Variants in DAPK2 observed in about 807,000 individuals in gnomAD.
DAPK2 encodes the protein death-associated protein kinase 2.
DAPK2 carries 35 observed loss-of-function variants against 44.1 expected under a neutral mutation model. The ratio of observed to expected loss-of-function variants is 0.79; its 90% confidence interval spans 0.61 to 1.05. DAPK2 has a LOEUF of 1.05. DAPK2 is among the 50% of genes least tolerant of loss of function. DAPK2 has a pLI of 0.00. For synonymous variants in DAPK2, 174 were observed against 182.6 expected (o/e 0.95, Z 0.38); for missense variants, 453 against 483.2 (o/e 0.94, Z 0.59).
intron 1 of DAPK2, among the ~76,000 whole-genome samples, chr15:64,037,289 T>C (rs1390855288): frequency 6.6e-6 from 1 of 152,144 alleles, no homozygotes; most frequent in African/African-American, 2.4e-5. Context: ...CCCAGGCACT[T>C]CCCCACTTCA....
chr15:64,019,395 C>T (rs73456765), intron 1 of DAPK2, among the ~76,000 whole-genome samples: 1 of 152,214 alleles, frequency 6.6e-6, no homozygotes, highest in Non-Finnish European at 1.5e-5. Context: ...GCTTCTCTTA[C>T]ATGGACTTTT....
At chr15:64,018,298 G>A (rs1363902138) in intron 1 of DAPK2, among the ~76,000 whole-genome samples, 1 of 152,206 alleles carries the variant, frequency 6.6e-6, no homozygotes, top group Non-Finnish European at 1.5e-5. Flanking sequence ...AGTCCCAAGG[G>A]CTGTGAGGAC....
chr15:64,014,532 G>A (rs1385471019), intron 1 of DAPK2, among the ~76,000 whole-genome samples: 2 of 152,220 alleles, frequency 1.3e-5, no homozygotes, highest in African/African-American at 2.4e-5. Flanking sequence ...GCACTGACAG[G>A]TGTTTACCAA....
Position 63,997,672 on chromosome 15 carries a change from T to C in DAPK2, c.93-13918A>G, listed in dbSNP as rs8027846. Among the ~76,000 whole-genome samples, 935 of 152,256 alleles carry C rather than the reference T, an allele frequency of 6.1e-3. 13 individuals are homozygous for C. The highest frequency in any genetic ancestry group is 0.021 in the African/African-American group (886 of 41,542). On this transcript the variant is annotated intron_variant, in intron 1 of 10. Coordinates refer to ENST00000261891, the Ensembl canonical transcript of DAPK2. ...ATGGACCCTAGCCTCTAAAATGGTC[T>C]CTTTCCTCTAGAAAACCCACCCATC...
At chr15:63,982,661 G>A (rs896172631) in intron 2 of DAPK2, among the ~76,000 whole-genome samples, 8 of 152,148 alleles carry the variant, frequency 5.3e-5, no homozygotes, top group African/African-American at 1.9e-4. Context: ...ATCATGAACT[G>A]TGAGGTCTTC....
chr15:64,004,902 C>A (rs2079186066), intron 1 of DAPK2, among the ~76,000 whole-genome samples: 2 of 152,214 alleles, frequency 1.3e-5, no homozygotes, highest in African/African-American at 4.8e-5. Context: ...GATGACTTAT[C>A]TTTCCTTTGA....
chr15:63,961,320 T>C (rs2077893964), intron 3 of DAPK2, among the ~76,000 whole-genome samples: 2 of 152,342 alleles, frequency 1.3e-5, no homozygotes, highest in East Asian at 1.9e-4. Flanking sequence ...TGTCTTTTAA[T>C]TGGAGCATTT....
intron 1 of DAPK2, among the ~76,000 whole-genome samples, chr15:63,987,651 T>C (rs2078703011): frequency 1.3e-5 from 2 of 152,188 alleles, no homozygotes; most frequent in African/African-American, 4.8e-5. Flanking sequence ...CAGTTCATGT[T>C]TCTCCATCTG....
At chr15:64,006,036 CAA>C (rs35338084) in intron 1 of DAPK2, among the ~76,000 whole-genome samples, 33 of 92,840 alleles carry the variant, frequency 3.6e-4, no homozygotes, top group Admixed American at 8.2e-4. Context: ...GATCCTGACT[CAA>C]AAAAAAAAAA....
At position 63,923,450 on chromosome 15, in the gene DAPK2, G is replaced by A; in HGVS notation, c.858+1366C>T. ...ACACAAGCGGCCTCTGGCATTCACT[G>A]CATGCGTCAGGCCATGGGGAGAACC... On this transcript the variant is annotated intron_variant, in intron 8 of 10. Transcript: ENST00000261891. This position sits in a 1 kb window ranked among gnomAD's most constrained non-coding sequence, Gnocchi z 4.2. 1 of 1,464,836 alleles carries A rather than the reference G, an allele frequency of 6.8e-7. No homozygotes were observed. The highest frequency in any genetic ancestry group is 9.0e-7 in the Non-Finnish European group (1 of 1,111,760). The allele number at this position is 1,464,836 out of a possible 1,614,324, so 90.7% of individuals were successfully genotyped here.
intron 1 of DAPK2, among the ~76,000 whole-genome samples, chr15:64,005,144 A>G (rs2079190729): frequency 6.6e-6 from 1 of 152,000 alleles, no homozygotes; most frequent in Non-Finnish European, 1.5e-5. Context: ...GTTTGACAAG[A>G]CAAAGACATG....
chr15:63,912,056 A>G lies in DAPK2; in HGVS notation c.948+52T>C. ...TGCATGGAGACCCTGGAGAGCCAGAAACCCCGCCCTAGCCCCCACCCTGTC... is the reference window on the plus strand; with the variant it reads ...TGCATGGAGACCCTGGAGAGCCAGAGACCCCGCCCTAGCCCCCACCCTGTC... On this transcript the variant is annotated intron_variant, in intron 9 of 10. Coordinates refer to ENST00000261891, the Ensembl canonical transcript of DAPK2. This position sits in a 1 kb window ranked among gnomAD's most constrained non-coding sequence, Gnocchi z 4.4. 9 of 1,586,452 alleles carry G rather than the reference A, an allele frequency of 5.7e-6. No individual in the cohort carries two copies. Among genetic ancestry groups the G allele is most frequent in the African/African-American group, 1.3e-5 (1 of 74,492 alleles).
chr15:63,967,552 G>C (rs779626137), intron 3 of DAPK2, among the ~76,000 whole-genome samples: 1 of 151,970 alleles, frequency 6.6e-6, no homozygotes, highest in African/African-American at 2.4e-5. Flanking sequence ...TTAGCTGGGC[G>C]TGGTGGCAGG....
intron 1 of DAPK2, among the ~76,000 whole-genome samples, chr15:63,998,058 TCA>T (rs1181486530): frequency 6.6e-6 from 1 of 152,218 alleles, no homozygotes; most frequent in East Asian, 1.9e-4. Flanking sequence ...TACACTTATC[TCA>T]CAGTCAGTTA....
intron 1 of DAPK2, among the ~76,000 whole-genome samples, chr15:64,018,925 A>T (rs1403217284): frequency 6.6e-6 from 1 of 152,166 alleles, no homozygotes; most frequent in Non-Finnish European, 1.5e-5. Flanking sequence ...GCCTCTGAGG[A>T]TTTAGAGAAG....
At chr15:63,910,163 T>C (rs970604299) in intron 10 of DAPK2, among the ~76,000 whole-genome samples, 7 of 151,066 alleles carry the variant, frequency 4.6e-5, no homozygotes, top group African/African-American at 1.5e-4. Flanking sequence ...GTGCCCTGCA[T>C]AGGAGACGAG....
At chr15:63,929,110 G>A (rs1350918543) in intron 6 of DAPK2, among the ~76,000 whole-genome samples, 1 of 151,530 alleles carries the variant, frequency 6.6e-6, no homozygotes, top group African/African-American at 2.4e-5. Context: ...TGAGGCAGGA[G>A]AATTGCTTAA....
Position 63,990,498 on chromosome 15 carries a change from G to A in DAPK2, c.93-6744C>T, listed in dbSNP as rs2078790544. Among the ~76,000 whole-genome samples the A allele has an allele frequency of 6.6e-6, 1 of 152,098 alleles. No homozygotes were observed. The highest frequency in any genetic ancestry group is 2.4e-5 in the African/African-American group (1 of 41,422). On this transcript the variant is annotated intron_variant, in intron 1 of 10. Transcript: ENST00000261891. This position sits in a 1 kb window ranked among gnomAD's most constrained non-coding sequence, Gnocchi z 4.3. ...TCCCTCTCTTAGTCGACTCTAAAGT[G>A]TCCAAAGATTGAGTGATGTACCCCT... is the stretch of plus-strand genomic sequence containing the variant.
intron 3 of DAPK2, among the ~76,000 whole-genome samples, chr15:63,956,547 T>A (rs989223977): frequency 6.6e-6 from 1 of 152,132 alleles, no homozygotes; most frequent in Non-Finnish European, 1.5e-5. Flanking sequence ...TCAGTTTTTT[T>A]CCATTGTGGT....
Sources: allele counts gnomAD v4.1 joint callset (sites outside exome capture counted in the v4.1 genomes callset), GRCh38; gene constraint gnomAD v4.1.1; non-coding constraint Gnocchi (gnomAD v3.1); transcripts MANE v1.5; gene names NCBI Gene and HGNC (gene_info 2026-07-23, HGNC 2026-07-21).